Variants in FNDC3A observed in about 807,000 individuals in gnomAD.
FNDC3A encodes the protein fibronectin type III domain containing 3A.
A neutral mutation model predicts 148.9 loss-of-function variants in FNDC3A; 32 were observed. The ratio of observed to expected loss-of-function variants is 0.21; its 90% confidence interval spans 0.16 to 0.29. The LOEUF (loss-of-function observed/expected upper bound fraction) is 0.29. Ranked by LOEUF, FNDC3A falls within the 10% of genes least tolerant of loss-of-function variation. The pLI is 1.00. For synonymous variants in FNDC3A, 472 were observed against 473.6 expected (o/e 1.00, Z 0.04); for missense variants, 1,191 against 1,452.8 (o/e 0.82, Z 2.93).
chr13:49,099,536 T>C (rs756026537), intron 3 of FNDC3A, among the ~76,000 whole-genome samples: 1 of 152,068 alleles, frequency 6.6e-6, no homozygotes, highest in Non-Finnish European at 1.5e-5. Context: ...TATGAGGAAA[T>C]TAAATATTTC....
chr13:49,205,134 C>T (rs1017887428), intron 25 of FNDC3A, among the ~76,000 whole-genome samples: 1 of 152,150 alleles, frequency 6.6e-6, no homozygotes, highest in African/African-American at 2.4e-5. Context: ...CACACACCTA[C>T]AGTGGTCCCT....
intron 8 of FNDC3A, among the ~76,000 whole-genome samples, chr13:49,163,389 C>T (rs867446842): frequency 1.6e-4 from 24 of 152,312 alleles, no homozygotes; most frequent in African/African-American, 5.8e-4. Flanking sequence ...CGATCTCAGA[C>T]TACTCTGCTA....
intron 2 of FNDC3A, among the ~76,000 whole-genome samples, chr13:49,074,686 G>T (rs1877971937): frequency 6.6e-6 from 1 of 152,094 alleles, no homozygotes; most frequent in African/African-American, 2.4e-5. Flanking sequence ...ATTTAAGGGA[G>T]AATTAATCCT....
chr13:49,197,858 A>G lies in FNDC3A; in HGVS notation c.2474A>G (p.Tyr825Cys), dbSNP rs765669796. Residue 825 changes from tyrosine to cysteine, a missense_variant, in exon 21 of 26, where the codon TAT becomes TGT. By Grantham distance (194) the Tyr-to-Cys change is radical. This residue lies in a region of FNDC3A where 751 missense variants were observed against 944.0 expected (regional missense o/e 0.80). Transcript: ENST00000492622. ...EIKGLSPATT[Y>C]YCRVQALSVV... Reference sequence around the variant, plus strand: ...AAAGGACTTTCACCAGCAACTACCTATTATTGCAGGGTCCAGGTAAAGATG... The same window carrying G: ...AAAGGACTTTCACCAGCAACTACCTGTTATTGCAGGGTCCAGGTAAAGATG... 7.5e-6 allele frequency: 12 copies of G among 1,603,606 alleles called. No individual in the cohort carries two copies. In the South Asian group the frequency reaches 9.0e-5, roughly 12 times the overall value.
At chr13:49,172,508 C>CT (rs1288600991) in intron 11 of FNDC3A, among the ~76,000 whole-genome samples, 1 of 152,134 alleles carries the variant, frequency 6.6e-6, no homozygotes, top group Non-Finnish European at 1.5e-5. Context: ...GCCAGGCCCT[C>CT]TCCAGGGACT....
At chr13:49,058,401 C>T (rs1876414168) in intron 2 of FNDC3A, among the ~76,000 whole-genome samples, 1 of 152,126 alleles carries the variant, frequency 6.6e-6, no homozygotes, top group Admixed American at 6.5e-5. Flanking sequence ...GGGCTGTCTG[C>T]TTGCGGATTT....
At chr13:49,064,386 G>A (rs1877111349) in intron 2 of FNDC3A, among the ~76,000 whole-genome samples, 2 of 127,696 alleles carry the variant, frequency 1.6e-5, no homozygotes, top group African/African-American at 2.9e-5. Context: ...GATAAATATA[G>A]AAATATTGCC....
chr13:49,109,147 G>T (rs1485328744), intron 3 of FNDC3A, among the ~76,000 whole-genome samples: 1 of 152,196 alleles, frequency 6.6e-6, no homozygotes, highest in Non-Finnish European at 1.5e-5. Flanking sequence ...GTGAGTTAAC[G>T]CAAGTAAAAC....
chr13:49,189,514 A>G lies in FNDC3A; in HGVS notation c.1944+881A>G, dbSNP rs1479258271. Among the ~76,000 whole-genome samples the G allele has an allele frequency of 5.9e-5, 9 of 152,086 alleles. No individual in the cohort carries two copies. The East Asian group carries it at 1.7e-3, about 29-fold the overall frequency. On this transcript the variant is annotated intron_variant, in intron 17 of 25. Coordinates refer to ENST00000492622, the MANE Select transcript of FNDC3A (RefSeq NM_001079673.2). ...TTTTTTTTTTAAATGAATTAAACCAAGAATGGTTTCTTGGATCATTCATAA... is the reference window on the plus strand; with the variant it reads ...TTTTTTTTTTAAATGAATTAAACCAGGAATGGTTTCTTGGATCATTCATAA...
chr13:49,058,826 C>A (rs1304555247), intron 2 of FNDC3A, among the ~76,000 whole-genome samples: 1 of 152,188 alleles, frequency 6.6e-6, no homozygotes, highest in Non-Finnish European at 1.5e-5. Context: ...TTTCCTCAAG[C>A]TAATATTTAT....
At chr13:49,147,096 C>G (rs768465750) in intron 8 of FNDC3A, among the ~76,000 whole-genome samples, 1 of 152,166 alleles carries the variant, frequency 6.6e-6, no homozygotes, top group East Asian at 1.9e-4. Context: ...TGTTTCCTCT[C>G]TATTGAGATT....
chr13:49,073,789 A>G (rs1315690652), intron 2 of FNDC3A, among the ~76,000 whole-genome samples: 1 of 146,560 alleles, frequency 6.8e-6, no homozygotes, highest in African/African-American at 2.5e-5. Context: ...ATGTGTATAT[A>G]TTATATATAT....
intron 5 of FNDC3A, among the ~76,000 whole-genome samples, chr13:49,134,001 AG>A (rs1406939585): frequency 1.3e-5 from 2 of 152,218 alleles, no homozygotes; most frequent in Non-Finnish European, 2.9e-5. Context: ...GATATAATTT[AG>A]GTAACAGTTC....
At chr13:49,081,101 A>G (rs1878438622) in intron 3 of FNDC3A, among the ~76,000 whole-genome samples, 1 of 152,202 alleles carries the variant, frequency 6.6e-6, no homozygotes. Flanking sequence ...TATAGCCAAC[A>G]GTTGTAGCTA....
At chr13:49,018,376 T>C (rs1872997194) in intron 2 of FNDC3A, among the ~76,000 whole-genome samples, 1 of 152,224 alleles carries the variant, frequency 6.6e-6, no homozygotes, top group Non-Finnish European at 1.5e-5. Flanking sequence ...TGATACCCTT[T>C]CTTCCAGTTG....
At chr13:49,042,141 T>G (rs1172094967) in intron 2 of FNDC3A, among the ~76,000 whole-genome samples, 1 of 152,174 alleles carries the variant, frequency 6.6e-6, no homozygotes, top group Non-Finnish European at 1.5e-5. Flanking sequence ...GCCATAATTT[T>G]AATATTCCCC....
chr13:49,130,242 A>G (rs1184127696), intron 4 of FNDC3A, among the ~76,000 whole-genome samples: 2 of 147,030 alleles, frequency 1.4e-5, no homozygotes, highest in African/African-American at 5.0e-5. Flanking sequence ...TTTTTTTTTT[A>G]GTTTGTAATT....
rs1886267503 is a variant in FNDC3A at position 49,198,534 on chromosome 13, T to G, written c.2947T>G (p.Ser983Ala). The change falls in exon 23 of 26, where the codon TCT becomes GCT. Residue 983 changes from serine to alanine, a missense_variant. By Grantham distance (99) the Ser-to-Ala change is moderately conservative. Transcript: ENST00000492622. Reference protein sequence around the residue: ...EGTPKTLSTDSIQYHLQMEDK... With the variant: ...EGTPKTLSTDAIQYHLQMEDK... Reference sequence around the variant, plus strand: ...AACTCCAAAGACATTGTCAACCGATTCTATTCAGTACCACCTTCAGATGGA... The same window carrying G: ...AACTCCAAAGACATTGTCAACCGATGCTATTCAGTACCACCTTCAGATGGA... 1 of 1,614,188 alleles carries G rather than the reference T, an allele frequency of 6.2e-7. No homozygotes were observed. The highest frequency in any genetic ancestry group is 1.3e-5 in the African/African-American group (1 of 75,050).
intron 23 of FNDC3A, among the ~76,000 whole-genome samples, chr13:49,199,358 T>C (rs1354616606): frequency 1.4e-5 from 2 of 138,278 alleles, no homozygotes; most frequent in Non-Finnish European, 3.1e-5. Flanking sequence ...TGAGACGGAG[T>C]CTCACTCTCA....
Sources: allele counts gnomAD v4.1 joint callset (sites outside exome capture counted in the v4.1 genomes callset), GRCh38; gene constraint gnomAD v4.1.1; regional missense constraint gnomAD v4.1.1; transcripts MANE v1.5; gene names NCBI Gene and HGNC (gene_info 2026-07-23, HGNC 2026-07-21).